SRD5A2: variants seen among roughly 807,000 people sequenced by gnomAD.
SRD5A2 encodes the protein steroid 5 alpha-reductase 2.
A neutral mutation model predicts 27.4 loss-of-function variants in SRD5A2; 30 were observed. That is an observed-to-expected ratio of 1.10 (90% confidence interval 0.82 to 1.49). SRD5A2 has a LOEUF of 1.49. SRD5A2 is among the 40% of genes most tolerant of loss of function. SRD5A2 has a pLI of 0.00. For synonymous variants in SRD5A2, 141 were observed against 133.6 expected, an observed-to-expected ratio of 1.06 and a Z score of -0.38; for missense variants, 348 against 323.4, an observed-to-expected ratio of 1.08 and a Z score of -0.58.
chr2:31,656,163 T>C, the SRD5A2 span, among the ~76,000 whole-genome samples: 1 of 152,222 alleles, frequency 6.6e-6, no homozygotes, highest in Admixed American at 6.5e-5. Context: ...AAAGTTATTT[T>C]TGGAGATCGT....
In SRD5A2 at chr2:31,529,291, T is replaced by C. The variant is rs1449646394; in HGVS notation, c.698+16A>G. 8.7e-6 allele frequency: 14 copies of C among 1,613,632 alleles called. No individual in the cohort carries two copies. The highest frequency in any genetic ancestry group is 1.2e-5 in the Non-Finnish European group (14 of 1,179,754). ...GAAAGCTACGTGAATGCTGCCGCTTTTATTGAAAAATTTACCTATGGTGGT... is the reference window on the plus strand; with the variant it reads ...GAAAGCTACGTGAATGCTGCCGCTTCTATTGAAAAATTTACCTATGGTGGT... On this transcript the variant is annotated intron_variant, in intron 4 of 4. Transcript: ENST00000622030.
chr2:31,610,188 T>A, the SRD5A2 span, among the ~76,000 whole-genome samples: 2 of 152,238 alleles, frequency 1.3e-5, no homozygotes, highest in South Asian at 4.2e-4. Flanking sequence ...AGCATTATCC[T>A]GATACCAAAG....
chr2:31,626,881 T>C, the SRD5A2 span, among the ~76,000 whole-genome samples: 1 of 152,250 alleles, frequency 6.6e-6, no homozygotes, highest in East Asian at 1.9e-4. Flanking sequence ...ATAAAATGAG[T>C]TAGGGAGGAT....
the SRD5A2 span, among the ~76,000 whole-genome samples, chr2:31,647,017 C>T: frequency 3.2e-4 from 48 of 151,988 alleles, no homozygotes; most frequent in African/African-American, 6.5e-4. Flanking sequence ...TCATGGTGGG[C>T]GCCTGTAATT....
chr2:31,531,703 G>A (rs948981215), intron 2 of SRD5A2, among the ~76,000 whole-genome samples: 3 of 152,212 alleles, frequency 2.0e-5, no homozygotes, highest in Non-Finnish European at 4.4e-5. Flanking sequence ...CACCACTGAT[G>A]GAGACAGATT....
At chr2:31,641,150 C>T in the SRD5A2 span, among the ~76,000 whole-genome samples, 2 of 151,994 alleles carry the variant, frequency 1.3e-5, no homozygotes, top group African/African-American at 4.8e-5. Flanking sequence ...TTTTAGTTTT[C>T]TATGATGGGG....
At chr2:31,532,655 T>TATGTC (rs5830211) in intron 2 of SRD5A2, among the ~76,000 whole-genome samples, 107,795 of 151,284 alleles carry the variant, frequency 0.71, 38,768 homozygotes, top group African/African-American at 0.79. Context: ...CTTTTCAAAA[T>TATGTC]AGGCAAAAAG....
chr2:31,645,864 T>C, the SRD5A2 span, among the ~76,000 whole-genome samples: 1 of 152,134 alleles, frequency 6.6e-6, no homozygotes, highest in African/African-American at 2.4e-5. Flanking sequence ...CGTATATAAT[T>C]CATGCACATA....
the SRD5A2 span, among the ~76,000 whole-genome samples, chr2:31,611,473 C>A: frequency 4.6e-5 from 7 of 152,076 alleles, no homozygotes; most frequent in African/African-American, 1.7e-4. Flanking sequence ...ATCCATCATA[C>A]ATAAAGAATG....
chr2:31,621,463 C>A, the SRD5A2 span, among the ~76,000 whole-genome samples: 324 of 152,110 alleles, frequency 2.1e-3, 1 homozygote, highest in Non-Finnish European at 9.0e-4. Context: ...GAGTAGTATT[C>A]TATTACATGA....
chr2:31,586,429 G>T, the SRD5A2 span, among the ~76,000 whole-genome samples: 1 of 152,174 alleles, frequency 6.6e-6, no homozygotes. Flanking sequence ...GCCAGGGAGT[G>T]GTTACAGCAG....
the SRD5A2 span, among the ~76,000 whole-genome samples, chr2:31,613,105 G>T: frequency 6.6e-6 from 1 of 152,170 alleles, no homozygotes; most frequent in East Asian, 1.9e-4. Flanking sequence ...ACATTGAGCT[G>T]GTTAATGACT....
chr2:31,594,330 A>G, the SRD5A2 span, among the ~76,000 whole-genome samples: 1 of 152,186 alleles, frequency 6.6e-6, no homozygotes, highest in Non-Finnish European at 1.5e-5. Flanking sequence ...AAAGACTCAC[A>G]TAAACTTAAA....
At chr2:31,534,022 A>G (rs1665972701) in intron 1 of SRD5A2, among the ~76,000 whole-genome samples, 1 of 152,268 alleles carries the variant, frequency 6.6e-6, no homozygotes, top group Admixed American at 6.5e-5. Flanking sequence ...ATAATGAATA[A>G]CATGTACCAT....
At chr2:31,624,428 T>C in the SRD5A2 span, among the ~76,000 whole-genome samples, 7 of 152,156 alleles carry the variant, frequency 4.6e-5, no homozygotes, top group African/African-American at 1.7e-4. Context: ...ATTTGTTACA[T>C]ATGTATACAT....
At chr2:31,604,827 A>G in the SRD5A2 span, among the ~76,000 whole-genome samples, 1 of 151,982 alleles carries the variant, frequency 6.6e-6, no homozygotes, top group African/African-American at 2.4e-5. Flanking sequence ...ATGGATTCAC[A>G]GAAGACCCAG....
At chr2:31,625,492 A>C in the SRD5A2 span, among the ~76,000 whole-genome samples, 1 of 152,142 alleles carries the variant, frequency 6.6e-6, no homozygotes, top group Non-Finnish European at 1.5e-5. Flanking sequence ...TTATGGTTTT[A>C]GGTCTAACAT....
chr2:31,551,323 A>C (rs943575110), intron 1 of SRD5A2, among the ~76,000 whole-genome samples: 1 of 152,142 alleles, frequency 6.6e-6, no homozygotes, highest in Admixed American at 6.5e-5. Flanking sequence ...ATTTTTAAAA[A>C]ATATAGACAA....
chr2:31,630,334 G>A, the SRD5A2 span, among the ~76,000 whole-genome samples: 9 of 152,098 alleles, frequency 5.9e-5, no homozygotes, highest in Non-Finnish European at 1.0e-4. Context: ...AGAAAAGAGA[G>A]AAAAGAGAGG....
Sources: gnomAD v4.1 joint callset for allele counts (sites outside exome capture counted in the v4.1 genomes callset) on GRCh38, gnomAD v4.1.1 for gene constraint, MANE v1.5 for transcripts, NCBI Gene and HGNC (gene_info 2026-07-23, HGNC 2026-07-21) for gene names.